LAMA1: variants seen among roughly 807,000 people sequenced by gnomAD.
LAMA1 encodes laminin subunit alpha-1.
LAMA1 carries 219 observed loss-of-function variants against 348.7 expected under a neutral mutation model. That is an observed-to-expected ratio of 0.63 (90% CI 0.56 to 0.70). The LOEUF is 0.70. Ranked by LOEUF, LAMA1 falls within the 30% of genes least tolerant of loss-of-function variation. LAMA1 has a pLI of 0.00. For synonymous variants in LAMA1, 1,487 were observed against 1,491.0 expected (o/e 1.00, Z 0.06); for missense variants, 3,744 against 3,888.0 (o/e 0.96, Z 0.99).
intron 16 of LAMA1, among the ~76,000 whole-genome samples, chr18:7,028,785 G>A (rs999855576): frequency 5.3e-5 from 8 of 152,244 alleles, no homozygotes; most frequent in African/African-American, 1.9e-4. Flanking sequence ...GCAAAGGGGA[G>A]GGGTGCGGAG....
chr18:6,977,912 A>G, intron 43 of LAMA1, 31 bp from the exon 44 acceptor site: 1 of 1,606,914 alleles, frequency 6.2e-7, no homozygotes, highest in Non-Finnish European at 8.5e-7. Context: ...AGGGGTGGCA[A>G]GAAAGTTGGG....
intron 56 of LAMA1, chr18:6,955,893 A>G (rs922262361): frequency 8.6e-6 from 3 of 347,410 alleles, no homozygotes; most frequent in Non-Finnish European, 1.1e-5. Flanking sequence ...CATGTTTTGC[A>G]GGGCCTCAGA....
At chr18:6,962,135 C>T in intron 51 of LAMA1, 76 bp from the exon 52 acceptor site, 1 of 1,025,990 alleles carries the variant, frequency 9.7e-7, no homozygotes. Flanking sequence ...AATACAAAGC[C>T]ACTGGGCAAG....
chr18:7,047,340 C>G (rs1035694826), intron 5 of LAMA1, among the ~76,000 whole-genome samples: 2 of 152,090 alleles, frequency 1.3e-5, no homozygotes, highest in African/African-American at 4.8e-5. Context: ...CTGTGCCCGG[C>G]CTTCTTTTTT....
intron 17 of LAMA1, among the ~76,000 whole-genome samples, chr18:7,024,774 C>A (rs1053249836): frequency 1.3e-5 from 2 of 152,202 alleles, no homozygotes; most frequent in African/African-American, 4.8e-5. Flanking sequence ...AGCCCCAGTG[C>A]CCAACTCAGC....
At chr18:7,102,957 A>G (rs2058297217) in intron 1 of LAMA1, among the ~76,000 whole-genome samples, 1 of 152,240 alleles carries the variant, frequency 6.6e-6, no homozygotes, top group African/African-American at 2.4e-5. Flanking sequence ...GGTAGATGAG[A>G]ACATGCCAGA....
intron 36 of LAMA1, 53 bp downstream of exon 36, chr18:6,992,507 GT>G (rs2057763105): frequency 6.4e-7 from 1 of 1,569,318 alleles, no homozygotes; most frequent in Admixed American, 1.7e-5. Context: ...TGGAGATAGC[GT>G]GCAAGTTTCT....
At chr18:6,982,355 A>G in intron 41 of LAMA1, 142 bp downstream of exon 41, 1 of 795,640 alleles carries the variant, frequency 1.3e-6, no homozygotes, top group East Asian at 2.4e-5. Flanking sequence ...GAAAATTTAT[A>G]TGATAGGAAA....
At chr18:7,077,191 GTTCT>G in intron 3 of LAMA1, among the ~76,000 whole-genome samples, 1 of 141,312 alleles carries the variant, frequency 7.1e-6, no homozygotes, top group East Asian at 2.2e-4. Flanking sequence ...GGTTTTTTCT[GTTCT>G]TTTCTTTTTT....
Position 7,042,093 on chromosome 18 carries a change from TCCAC to T in LAMA1, c.1261+48_1261+51del, listed in dbSNP as rs1390894162. 4.0e-6 allele frequency: 5 copies of T among 1,247,262 alleles called. No individual in the cohort carries two copies. In the African/African-American group the frequency reaches 6.0e-5, roughly 15 times the overall value. 77.3% of individuals were successfully genotyped at this position (1,247,262 alleles called of 1,614,324 possible). ...CATTAGTTCCAGTATGTGCAAATCT[TCCAC>T]ACACACACAAAATCAATTACAAGCA... On this transcript the variant is annotated intron_variant, in intron 9 of 62. Coordinates refer to ENST00000389658, the MANE Select transcript of LAMA1 (RefSeq NM_005559.4).
intron 3 of LAMA1, among the ~76,000 whole-genome samples, chr18:7,057,805 T>C (rs947927085): frequency 5.4e-5 from 8 of 147,514 alleles, no homozygotes; most frequent in African/African-American, 1.7e-4. Flanking sequence ...TTTCTTTTTT[T>C]TTTTTTTGAG....
chr18:6,986,376 A>T, intron 36 of LAMA1, 29 bp from the exon 37 acceptor site: 1 of 1,602,252 alleles, frequency 6.2e-7, no homozygotes, highest in African/African-American at 1.3e-5. Context: ...TCACATAGTA[A>T]GTAAATGAAC....
intron 21 of LAMA1, 139 bp downstream of exon 21, chr18:7,016,352 G>GA: frequency 5.2e-6 from 5 of 959,822 alleles, no homozygotes; most frequent in Non-Finnish European, 6.4e-6. Context: ...CCAGAAACCA[G>GA]AAAAAAGGTA....
Position 7,049,166 on chromosome 18 carries a change from C to A in LAMA1, c.680G>T (p.Arg227Leu), listed in dbSNP as rs772486258. Residue 227 changes from arginine (R) to leucine (L), a missense_variant, in exon 5 of 63, where the codon CGC becomes CTC. Arg to Leu is a moderately radical substitution (Grantham distance 102). Around this residue, in one of 3 missense-constraint regions of LAMA1, gnomAD observed 1,529 missense variants for 1,689.4 expected, o/e 0.91. Coordinates refer to ENST00000389658, the MANE Select transcript of LAMA1 (RefSeq NM_005559.4). ...ATTGAGCGTTCTAATGCGTTGCAAGCGAAGGCGAATATATCGTGCAGAAGT... is the reference window on the plus strand; with the variant it reads ...ATTGAGCGTTCTAATGCGTTGCAAGAGAAGGCGAATATATCGTGCAGAAGT... ...EFTSARYIRL[R>L]LQRIRTLNAD... The A allele has an allele frequency of 2.5e-6, 4 of 1,613,838 alleles. No individual in the cohort carries two copies. Among genetic ancestry groups the A allele is most frequent in the Non-Finnish European group, 3.4e-6 (4 of 1,179,984 alleles).
intron 50 of LAMA1, 47 bp from the exon 51 acceptor site, chr18:6,964,850 C>T (rs1568010033): frequency 1.2e-6 from 2 of 1,608,838 alleles, no homozygotes; most frequent in Non-Finnish European, 1.7e-6. Flanking sequence ...AAATCCCTTT[C>T]CATGTTAAGG....
intron 3 of LAMA1, among the ~76,000 whole-genome samples, chr18:7,051,254 CTA>C (rs2058061481): frequency 6.6e-6 from 1 of 152,098 alleles, no homozygotes; most frequent in African/African-American, 2.4e-5. Flanking sequence ...AAAAGGGTAA[CTA>C]TGTGAAGTGA....
intron 1 of LAMA1, among the ~76,000 whole-genome samples, chr18:7,081,317 G>A (rs2058192549): frequency 6.6e-6 from 1 of 152,142 alleles, no homozygotes; most frequent in Non-Finnish European, 1.5e-5. Flanking sequence ...CAATCCAAAC[G>A]TCTTTCACTT....
chr18:7,032,352 C>T (rs907504835), intron 15 of LAMA1, among the ~76,000 whole-genome samples, 176 bp from the exon 16 acceptor site: 2 of 152,108 alleles, frequency 1.3e-5, no homozygotes, highest in Admixed American at 1.3e-4. Flanking sequence ...AAAACCTTAC[C>T]GAGCTGTGCA....
chr18:7,089,305 G>C (rs1486925843), intron 1 of LAMA1, among the ~76,000 whole-genome samples: 1 of 152,070 alleles, frequency 6.6e-6, no homozygotes, highest in East Asian at 1.9e-4. Context: ...CTTGAACCCA[G>C]GAGGCGGACA....
Sources: allele counts gnomAD v4.1 joint callset (sites outside exome capture counted in the v4.1 genomes callset), GRCh38; gene constraint gnomAD v4.1.1; regional missense constraint gnomAD v4.1.1; transcripts MANE v1.5; gene names NCBI Gene and HGNC (gene_info 2026-07-23, HGNC 2026-07-21).